The following PHLDB2 variants were observed in gnomAD, a reference collection of about 807,000 sequenced individuals.
The protein encoded by PHLDB2 is pleckstrin homology-like domain family B member 2.
Under a neutral mutation model 123.6 loss-of-function variants are expected in PHLDB2, and 71 were observed. The observed-to-expected ratio is 0.57, with a 90% confidence interval of 0.47 to 0.70. The LOEUF is 0.70. Among genes scored for constraint, PHLDB2 ranks in the 30% least tolerant of loss-of-function variants. The pLI is 0.00. For missense variants in PHLDB2, 1,446 were observed against 1,519.5 expected, an observed-to-expected ratio of 0.95 and a Z score of 0.80; for synonymous variants, 547 against 541.6, an observed-to-expected ratio of 1.01 and a Z score of -0.14.
At chr3:111,859,234 C>T, upstream of PHLDB2, 1 of 985,354 alleles carries the variant, frequency 1.0e-6, no homozygotes, top group Non-Finnish European at 1.2e-6. Flanking sequence ...CTTCTTTCAG[C>T]TCTTAAAAAA....
upstream of PHLDB2, among the ~76,000 whole-genome samples, chr3:111,856,317 A>G (rs1253627476): frequency 6.6e-6 from 1 of 152,214 alleles, no homozygotes; most frequent in Non-Finnish European, 1.5e-5. Context: ...AAAGAGGTAG[A>G]AGGTAGCATT....
At chr3:111,766,819 G>T (rs2060090118) in intron 1 of PHLDB2, among the ~76,000 whole-genome samples, 1 of 152,202 alleles carries the variant, frequency 6.6e-6, no homozygotes, top group Non-Finnish European at 1.5e-5. Flanking sequence ...AAACACCTGA[G>T]ATCAGGAGTT....
At chr3:111,845,367 AAAAAAAAAAAAAAAAAAACT>A (rs1264112665) in intron 1 of PHLDB2, among the ~76,000 whole-genome samples, 92 of 149,602 alleles carry the variant, frequency 6.1e-4, no homozygotes, top group African/African-American at 2.2e-3. Context: ...AAAAAAAAAA[AAAAAAAAAAAAAAAAAAACT>A]ATGGGATTTG....
intron 2 of PHLDB2, among the ~76,000 whole-genome samples, chr3:111,890,219 A>G (rs1286033388): frequency 5.9e-5 from 9 of 152,226 alleles, no homozygotes; most frequent in Admixed American, 1.3e-4. Context: ...ACCAATGGAG[A>G]TAACTGTCAG....
chr3:111,869,832 G>A (rs572717160), intron 1 of PHLDB2, among the ~76,000 whole-genome samples: 46 of 152,266 alleles, frequency 3.0e-4, no homozygotes, highest in African/African-American at 1.1e-3. Flanking sequence ...TTCTTCCCAT[G>A]GAACTGCTTT....
intron 16 of PHLDB2, among the ~76,000 whole-genome samples, chr3:111,971,591 G>T (rs537327790): frequency 6.6e-6 from 1 of 152,064 alleles, no homozygotes; most frequent in Non-Finnish European, 1.5e-5. Flanking sequence ...AACGCTGCTC[G>T]TTCGGTTCTG....
chr3:111,769,737 A>T (rs1250559099), intron 1 of PHLDB2, among the ~76,000 whole-genome samples: 1 of 152,218 alleles, frequency 6.6e-6, no homozygotes, highest in Non-Finnish European at 1.5e-5. Flanking sequence ...TACAACCTAC[A>T]GCCTTAGAAA....
intron 3 of PHLDB2, chr3:111,916,758 A>G (rs968825): frequency 0.36 from 54,796 of 151,920 alleles, 10,414 homozygotes; most frequent in East Asian, 0.71. Flanking sequence ...TTTGGCTGCA[A>G]AAAGGGTTTT....
At chr3:111,916,359 G>A (rs906315727) in intron 3 of PHLDB2, 41 of 152,106 alleles carry the variant, frequency 2.7e-4, no homozygotes, top group African/African-American at 9.2e-4. Flanking sequence ...TTCTGAAGGT[G>A]GACATATATT....
chr3:111,904,731 A>C (rs1190506523), intron 2 of PHLDB2, among the ~76,000 whole-genome samples: 1 of 152,104 alleles, frequency 6.6e-6, no homozygotes, highest in Non-Finnish European at 1.5e-5. Flanking sequence ...TAGAGAGGGA[A>C]AGGTGTAGGA....
At position 111,869,717 on chromosome 3, in the gene PHLDB2, G is replaced by T. The variant is rs577001086; in HGVS notation, c.-15+10141G>T. ...TGTGTGTCTGTCTCTGTGTGTGTGT[G>T]TGTGTGTGTGTGTGTCTACACACAT... On this transcript the variant is annotated intron_variant, in intron 1 of 17. Transcript: ENST00000431670. Among the ~76,000 whole-genome samples, 337 of 152,266 alleles carry T rather than the reference G, an allele frequency of 2.2e-3. 2 individuals are homozygous for T. The highest frequency in any genetic ancestry group is 0.014 in the South Asian group (67 of 4,826).
chr3:111,954,608 T>C (rs554298334), intron 12 of PHLDB2, among the ~76,000 whole-genome samples: 2 of 152,340 alleles, frequency 1.3e-5, no homozygotes, highest in East Asian at 3.9e-4. Context: ...TTCATGGGGC[T>C]AGAAGAAATT....
intron 1 of PHLDB2, among the ~76,000 whole-genome samples, chr3:111,874,912 A>T (rs761215408): frequency 1.6e-4 from 25 of 152,198 alleles, no homozygotes; most frequent in Non-Finnish European, 2.9e-4. Flanking sequence ...AGGTAGCTAC[A>T]TTCTAAAAAA....
chr3:111,884,298 C>G lies in PHLDB2; in HGVS notation c.221C>G (p.Pro74Arg), dbSNP rs1468508994. Residue 74 changes from proline (P) to arginine (R), a missense_variant, in exon 2 of 18, where the codon CCT (proline) becomes CGT (arginine). Coordinates refer to ENST00000431670, the MANE Select transcript of PHLDB2 (RefSeq NM_001134438.2). Reference sequence around the variant, plus strand: ...GTGCCTGCAAAGAGAAGCCCTTCTCCTTTGGGAACCAGTGTCAGAAGCAGC... The same window carrying G: ...GTGCCTGCAAAGAGAAGCCCTTCTCGTTTGGGAACCAGTGTCAGAAGCAGC... ...QPVPAKRSPS[P>R]LGTSVRSSPS... 2 of 1,614,068 alleles carry G rather than the reference C, an allele frequency of 1.2e-6. No homozygotes were observed. The highest frequency in any genetic ancestry group is 1.7e-6 in the Non-Finnish European group (2 of 1,180,038).
intron 1 of PHLDB2, among the ~76,000 whole-genome samples, chr3:111,750,356 A>C (rs1422914339): frequency 6.6e-6 from 1 of 152,242 alleles, no homozygotes; most frequent in Non-Finnish European, 1.5e-5. Context: ...ATGATTTAAA[A>C]GTTCAAAACA....
intron 13 of PHLDB2, among the ~76,000 whole-genome samples, chr3:111,963,823 T>C (rs886828937): frequency 1.3e-5 from 2 of 152,240 alleles, no homozygotes; most frequent in African/African-American, 4.8e-5. Flanking sequence ...TTTACTCTTC[T>C]TTCTACCAAT....
At chr3:111,923,994 G>C (rs1367512413) in intron 5 of PHLDB2, among the ~76,000 whole-genome samples, 2 of 152,098 alleles carry the variant, frequency 1.3e-5, no homozygotes, top group African/African-American at 4.8e-5. Context: ...TCTGTCACCA[G>C]CCTTTCTGTC....
intron 2 of PHLDB2, among the ~76,000 whole-genome samples, chr3:111,852,025 T>C (rs73852705): frequency 5.6e-4 from 86 of 152,218 alleles, no homozygotes; most frequent in African/African-American, 2.0e-3. Context: ...CAAATACCCC[T>C]TCACCTGAAC....
At chr3:111,883,521 G>A (rs75209564) in intron 1 of PHLDB2, among the ~76,000 whole-genome samples, 4,104 of 152,232 alleles carry the variant, frequency 0.027, 168 homozygotes, top group South Asian at 0.16. Context: ...TGTTGAGAAG[G>A]TAACTCCCAG....
Sources: allele counts gnomAD v4.1 joint callset (sites outside exome capture counted in the v4.1 genomes callset), GRCh38; gene constraint gnomAD v4.1.1; transcripts MANE v1.5; gene names NCBI Gene and HGNC (gene_info 2026-07-23, HGNC 2026-07-21).